Variants in TBX18 observed in about 807,000 individuals in gnomAD.
TBX18 encodes the protein T-box transcription factor TBX18.
TBX18 carries 21 observed loss-of-function variants against 55.0 expected under a neutral mutation model. The observed-to-expected ratio is 0.38, with a 90% confidence interval of 0.27 to 0.55. The LOEUF (loss-of-function observed/expected upper bound fraction) is 0.55. Ranked by LOEUF, TBX18 falls within the 20% of genes least tolerant of loss-of-function variation. The probability of loss-of-function intolerance (pLI) is 0.73; values close to 1 mark genes in which losing one functional copy is unlikely to be tolerated. For missense variants in TBX18, 840 were observed against 799.6 expected, an observed-to-expected ratio of 1.05 and a Z score of -0.61; for synonymous variants, 342 against 326.1, an observed-to-expected ratio of 1.05 and a Z score of -0.53.
rs1048949984 is a variant in TBX18 at position 84,758,777 on chromosome 6, C to G, written c.599+1478G>C. 2.6e-5 allele frequency among the ~76,000 whole-genome samples: 4 copies of G among 152,178 alleles called. 1 individual carries two copies. In the South Asian group the frequency reaches 8.3e-4, roughly 31 times the overall value. Reference sequence around the variant, plus strand: ...CTGACAGAATAAAAGCTACAAGTTACACATTCTTTGTAAAACATTCTAAAT... The same window carrying G: ...CTGACAGAATAAAAGCTACAAGTTAGACATTCTTTGTAAAACATTCTAAAT... On this transcript the variant is annotated intron_variant, in intron 3 of 7. Transcript: ENST00000369663.
In TBX18 at chr6:84,737,025, T is replaced by G; in HGVS notation, c.1484A>C (p.Gln495Pro). 1 of 1,614,022 alleles carries G rather than the reference T, an allele frequency of 6.2e-7. No individual in the cohort carries two copies. Residue 495 changes from glutamine (Q) to proline (P), a missense_variant, in exon 8 of 8, where the codon CAG becomes CCG. By Grantham distance (76) the Gln-to-Pro change is moderately conservative. Coordinates refer to ENST00000369663, the MANE Select transcript of TBX18 (RefSeq NM_001080508.3). ...LSMQISGMSPQLQYIMPSPSS... is the reference protein window; with the variant it reads ...LSMQISGMSPPLQYIMPSPSS... ...GGGTGATGGCATGATATACTGGAGC[T>G]GGGGGGACATTCCCGAAATCTGCAT...
At chr6:84,753,949 G>A (rs55823110) in intron 4 of TBX18, among the ~76,000 whole-genome samples, 33,416 of 151,898 alleles carry the variant, frequency 0.22, 3,901 homozygotes, top group African/African-American at 0.25. Flanking sequence ...ATTTTTTGAA[G>A]CAGAGTCTCA....
At chr6:84,754,791 A>G (rs1005093939) in intron 4 of TBX18, among the ~76,000 whole-genome samples, 1 of 152,156 alleles carries the variant, frequency 6.6e-6, no homozygotes, top group African/African-American at 2.4e-5. Flanking sequence ...TACCCTTCAT[A>G]ATGTGGGTAG....
intron 4 of TBX18, 136 bp from the exon 5 acceptor site, chr6:84,748,223 A>T: frequency 1.8e-6 from 1 of 569,588 alleles, no homozygotes; most frequent in East Asian, 3.0e-5. Flanking sequence ...ATTTAATAAG[A>T]AATATCAGAA....
At position 84,748,047 on chromosome 6, in the gene TBX18, T is replaced by C. The variant is rs959894896; in HGVS notation, c.812A>G (p.His271Arg). 2 of 1,613,084 alleles carry C rather than the reference T, an allele frequency of 1.2e-6. No individual in the cohort carries two copies. Among genetic ancestry groups the C allele is most frequent in the African/African-American group, 1.3e-5 (1 of 74,906 alleles). ...HSMHKYQPRVHVIRKDCGDDL... is the reference protein window; with the variant it reads ...HSMHKYQPRVRVIRKDCGDDL... ...GTCTCCACAGTCTTTACGGATGACGTGCACTCGCGGTTGGTATTTGTGCAT... is the reference window on the plus strand; with the variant it reads ...GTCTCCACAGTCTTTACGGATGACGCGCACTCGCGGTTGGTATTTGTGCAT... The change falls in exon 5 of 8, where the codon CAC (histidine) becomes CGC (arginine). Residue 271 changes from histidine to arginine, a missense_variant. Transcript: ENST00000369663.
chr6:84,735,197 T>C lies in TBX18; in HGVS notation c.*1488A>G, dbSNP rs1262457795. On this transcript the variant is annotated 3_prime_UTR_variant, in exon 8 of 8. Coordinates refer to ENST00000369663, the MANE Select transcript of TBX18 (RefSeq NM_001080508.3). ...TAATGAATGGGTCAATGCACAGACATGTTATTTCGCTTTCTCCTCAGAAGG... is the reference window on the plus strand; with the variant it reads ...TAATGAATGGGTCAATGCACAGACACGTTATTTCGCTTTCTCCTCAGAAGG... 6.6e-6 allele frequency: 1 copy of C among 152,190 alleles called. No individual in the cohort carries two copies. Among genetic ancestry groups the C allele is most frequent in the Non-Finnish European group, 1.5e-5 (1 of 68,028 alleles). The allele number at this position is 152,190 out of a possible 1,614,324, so 9.4% of individuals were successfully genotyped here.
In TBX18 at chr6:84,762,659, G is replaced by A. The variant is rs1485063079; in HGVS notation, c.382C>T (p.Arg128Trp). 6.2e-7 allele frequency: 1 copy of A among 1,610,504 alleles called. No homozygotes were observed. Residue 128 changes from arginine (R) to tryptophan (W), a missense_variant, in exon 2 of 8, where the codon CGG (arginine) becomes TGG (tryptophan). By Grantham distance (101) the Arg-to-Trp change is moderately radical (BLOSUM62 -3). Transcript: ENST00000369663. ...PKGSPARSLA[R>W]PGTPLPSPQA... ...GGCGAGGGCAGAGGGGTCCCGGGCC[G>A]GGCCAGGGAGCGCGCCGGAGACCCC...
At chr6:84,745,494 G>A (rs748158227) in intron 5 of TBX18, among the ~76,000 whole-genome samples, 7 of 152,012 alleles carry the variant, frequency 4.6e-5, no homozygotes, top group African/African-American at 9.7e-5. Context: ...GCTTGTGCAC[G>A]CCCTCCAGTC....
In TBX18 at chr6:84,734,963, A is replaced by G. The variant is rs1352028085; in HGVS notation, c.*1722T>C. ...TTGATGAACTGCTAAGGAATCCAAA[A>G]GGAAATTTGTTAATATGTATAAACA... On this transcript the variant is annotated 3_prime_UTR_variant, in exon 8 of 8. Transcript: ENST00000369663. 6.6e-6 allele frequency: 1 copy of G among 152,234 alleles called. No homozygotes were observed. The highest frequency in any genetic ancestry group is 1.5e-5 in the Non-Finnish European group (1 of 68,040). The allele number at this position is 152,234 out of a possible 1,614,324, so 9.4% of individuals were successfully genotyped here.
intron 5 of TBX18, among the ~76,000 whole-genome samples, chr6:84,746,275 G>C (rs1355012516): frequency 6.6e-6 from 1 of 151,724 alleles, no homozygotes; most frequent in Admixed American, 6.6e-5. Flanking sequence ...GTGACGAATT[G>C]AGATTGTTAA....
chr6:84,759,938 T>C (rs921653423), intron 3 of TBX18, among the ~76,000 whole-genome samples: 1 of 152,220 alleles, frequency 6.6e-6, no homozygotes, highest in African/African-American at 2.4e-5. Flanking sequence ...ACATTTCCTC[T>C]CAAAATTCGA....
At chr6:84,759,692 A>C (rs1409752244) in intron 3 of TBX18, among the ~76,000 whole-genome samples, 3 of 152,118 alleles carry the variant, frequency 2.0e-5, no homozygotes, top group Non-Finnish European at 2.9e-5. Context: ...CAAAAAAACA[A>C]CAGAAAGGTA....
At chr6:84,759,065 C>T (rs191511663) in intron 3 of TBX18, among the ~76,000 whole-genome samples, 2 of 152,070 alleles carry the variant, frequency 1.3e-5, no homozygotes, top group Non-Finnish European at 2.9e-5. Context: ...TTCCTCAGCA[C>T]AAAACCCCAT....
At chr6:84,754,338 T>C (rs2127878608) in intron 4 of TBX18, among the ~76,000 whole-genome samples, 1 of 152,334 alleles carries the variant, frequency 6.6e-6, no homozygotes, top group Admixed American at 6.5e-5. Flanking sequence ...CATCCTCCTC[T>C]AGTATCAAGT....
chr6:84,762,951 C>T (rs1767695914), intron 1 of TBX18: 9 of 610,486 alleles, frequency 1.5e-5, no homozygotes, highest in Non-Finnish European at 2.6e-5. Context: ...TTCAGAGCTC[C>T]AGTGTGGCCT....
At chr6:84,742,910 T>C (rs1298755757) in intron 6 of TBX18, among the ~76,000 whole-genome samples, 1 of 152,152 alleles carries the variant, frequency 6.6e-6, no homozygotes, top group East Asian at 1.9e-4. Context: ...TAAGTGGCCA[T>C]CTCCAGTTAT....
rs1200127879 is a variant in TBX18, at chr6:84,733,261, T to C, written c.*3424A>G. On this transcript the variant is annotated 3_prime_UTR_variant, in exon 8 of 8. Transcript: ENST00000369663. ...TTGAACTCTTAGAATGCTGTAATCA[T>C]GTATGAGTACTTAACTGCTCATATA... is the stretch of plus-strand genomic sequence containing the variant. 6.6e-6 allele frequency: 1 copy of C among 152,228 alleles called. No individual in the cohort carries two copies. The highest frequency in any genetic ancestry group is 2.4e-5 in the African/African-American group (1 of 41,462). The allele number at this position is 152,228 out of a possible 1,614,324, so 9.4% of individuals were successfully genotyped here. A position where few individuals can be genotyped will look rare whatever the true frequency, so the allele number is the denominator to read the frequency against.
chr6:84,763,332 C>T, intron 1 of TBX18: 1 of 455,906 alleles, frequency 2.2e-6, no homozygotes, highest in Non-Finnish European at 4.4e-6. Context: ...CGCTTCCAGC[C>T]CAGCAGAGAA....
chr6:84,761,574 G>A (rs1205641475), intron 2 of TBX18, among the ~76,000 whole-genome samples: 1 of 152,154 alleles, frequency 6.6e-6, no homozygotes, highest in South Asian at 2.1e-4. Context: ...AATAAGTTTG[G>A]ATACTTTTTA....
Sources: gnomAD v4.1 joint callset for allele counts (sites outside exome capture counted in the v4.1 genomes callset) on GRCh38, gnomAD v4.1.1 for gene constraint, MANE v1.5 for transcripts, NCBI Gene and HGNC (gene_info 2026-07-23, HGNC 2026-07-21) for gene names.